Variants in TACR3 observed in about 807,000 individuals in gnomAD.
The protein encoded by TACR3 is tachykinin receptor 3, also known as neuromedin-K receptor.
Under a neutral mutation model 35.0 loss-of-function variants are expected in TACR3, and 34 were observed. That is an observed-to-expected ratio of 0.97 (90% CI 0.74 to 1.30). The LOEUF (loss-of-function observed/expected upper bound fraction) is 1.30. Among genes scored for constraint, TACR3 ranks in the 50% most tolerant of loss-of-function variants. TACR3 has a pLI of 0.00. For missense variants in TACR3, 558 were observed against 591.7 expected (o/e 0.94, Z 0.59); for synonymous variants, 233 against 221.1 (o/e 1.05, Z -0.48).
At chr4:103,599,255 T>A (rs939150427) in intron 3 of TACR3, among the ~76,000 whole-genome samples, 7 of 152,166 alleles carry the variant, frequency 4.6e-5, no homozygotes, top group African/African-American at 1.7e-4. Flanking sequence ...GCTCTCTGTT[T>A]GTCTGTTATT....
chr4:103,688,970 T>A (rs1396693082), intron 1 of TACR3, among the ~76,000 whole-genome samples: 2 of 152,028 alleles, frequency 1.3e-5, no homozygotes. Context: ...TGCGGCACTA[T>A]TCACAATAGC....
rs1168044214 is a variant in TACR3, at chr4:103,642,282, G to A, written c.888+13912C>T. Among the ~76,000 whole-genome samples, 6 of 150,842 alleles carry A rather than the reference G, an allele frequency of 4.0e-5. No homozygotes were observed. The Admixed American group carries it at 4.0e-4, about 10-fold the overall frequency. Reference sequence around the variant, plus strand: ...TATAATCACATTGTACCTCATAAGTGTATAAAATTATTATTTGTCAATTTT... The same window carrying A: ...TATAATCACATTGTACCTCATAAGTATATAAAATTATTATTTGTCAATTTT... On this transcript the variant is annotated intron_variant, in intron 3 of 4. Coordinates refer to ENST00000304883, the MANE Select transcript of TACR3 (RefSeq NM_001059.3).
rs201237591 is a variant in TACR3, at chr4:103,719,161, C to G, written c.515G>C (p.Ser172Thr). Residue 172 changes from serine (S) to threonine (T), a missense_variant, in exon 1 of 5, where the codon AGC (serine) becomes ACC (threonine). Ser to Thr is a moderately conservative substitution (Grantham distance 58). Coordinates refer to ENST00000304883, the MANE Select transcript of TACR3 (RefSeq NM_001059.3). ...CGCAATGGCCGTCATGGAGTAGATG[C>G]TGGCGAACACAGCTGTGATAGGAAA... Reference protein sequence around the residue: ...NFFPITAVFASIYSMTAIAVD... With the variant: ...NFFPITAVFATIYSMTAIAVD... The G allele has an allele frequency of 4.3e-6, 7 of 1,614,066 alleles. No homozygotes were observed. The highest frequency in any genetic ancestry group is 5.9e-6 in the Non-Finnish European group (7 of 1,180,042).
Position 103,627,181 on chromosome 4 carries a change from CAAAAAAAAAAA to C in TACR3, c.888+29002_888+29012del, listed in dbSNP as rs33988758. Among the ~76,000 whole-genome samples, 221 of 24,704 alleles carry C rather than the reference CAAAAAAAAAAA, an allele frequency of 8.9e-3. 2 individuals carry two copies. Among genetic ancestry groups the C allele is most frequent in the African/African-American group, 0.031 (205 of 6,604 alleles). The allele number at this position is 24,704 out of a possible 152,430, so 16.2% of individuals were successfully genotyped here. On this transcript the variant is annotated intron_variant, in intron 3 of 4. Coordinates refer to ENST00000304883, the MANE Select transcript of TACR3 (RefSeq NM_001059.3). ...CAAGTGACGGTGTGAGACTCCGTCTCAAAAAAAAAAAAAAAAAAAAAAAAAAAAAGTCTAGG... is the reference window on the plus strand; with the variant it reads ...CAAGTGACGGTGTGAGACTCCGTCTCAAAAAAAAAAAAAAAAAAGTCTAGG...
chr4:103,591,420 C>T, intron 4 of TACR3, 67 bp downstream of exon 4: 2 of 1,577,714 alleles, frequency 1.3e-6, no homozygotes, highest in Admixed American at 3.3e-5. Flanking sequence ...GAAAATGGAA[C>T]AACATTGTAT....
chr4:103,702,503 G>C lies in TACR3; in HGVS notation c.548+16625C>G, dbSNP rs1214718956. ...TGGAAGTCAGTGTGGTGATTTCTCA[G>C]GGATCTAGAACTAGAAATACCATTT... On this transcript the variant is annotated intron_variant, in intron 1 of 4. Coordinates refer to ENST00000304883, the MANE Select transcript of TACR3 (RefSeq NM_001059.3). 2.0e-5 allele frequency among the ~76,000 whole-genome samples: 3 copies of C among 152,226 alleles called. No homozygotes were observed. The East Asian group carries it at 5.8e-4, about 29-fold the overall frequency.
chr4:103,659,033 T>G (rs1329140489), intron 1 of TACR3, among the ~76,000 whole-genome samples: 1 of 152,150 alleles, frequency 6.6e-6, no homozygotes, highest in Admixed American at 6.5e-5. Flanking sequence ...TCTTCGCACC[T>G]ACAGTTCACA....
chr4:103,643,167 T>C (rs1725391738), intron 3 of TACR3, among the ~76,000 whole-genome samples: 1 of 151,900 alleles, frequency 6.6e-6, no homozygotes, highest in Non-Finnish European at 1.5e-5. Context: ...TATTTAAATT[T>C]AAACTTACAT....
intron 1 of TACR3, among the ~76,000 whole-genome samples, chr4:103,681,521 G>A (rs1722089113): frequency 6.6e-6 from 1 of 151,980 alleles, no homozygotes; most frequent in Admixed American, 6.6e-5. Flanking sequence ...AATTACCAGA[G>A]ATTCTTTATC....
In TACR3 at chr4:103,719,245, A is replaced by G. The variant is rs781511002; in HGVS notation, c.431T>C (p.Ile144Thr). 18 of 1,614,086 alleles carry G rather than the reference A, an allele frequency of 1.1e-5. No homozygotes were observed. Reference protein sequence around the residue: ...MAAFNTLVNFIYALHSEWYFG... With the variant: ...MAAFNTLVNFTYALHSEWYFG... ...GTACCACTCGCTATGAAGCGCGTAG[A>G]TGAAATTGACCAACGTGTTGAAGGC... Residue 144 changes from isoleucine (I) to threonine (T), a missense_variant, in exon 1 of 5, where the codon ATC (isoleucine) becomes ACC (threonine). Physicochemically the swap from Ile to Thr is moderately conservative, Grantham distance 89 (BLOSUM62 -1). Transcript: ENST00000304883.
In TACR3 at chr4:103,693,781, T is replaced by G. The variant is rs527575239; in HGVS notation, c.548+25347A>C. On this transcript the variant is annotated intron_variant, in intron 1 of 4. Transcript: ENST00000304883. ...AGTCAGATTAATCAATGTTTTTCCCTGTATTCTGATACTCTTGTGTTTAGA... is the reference window on the plus strand; with the variant it reads ...AGTCAGATTAATCAATGTTTTTCCCGGTATTCTGATACTCTTGTGTTTAGA... Among the ~76,000 whole-genome samples the G allele has an allele frequency of 2.0e-5, 3 of 147,218 alleles. No individual in the cohort carries two copies. In the South Asian group the frequency reaches 6.2e-4, roughly 30 times the overall value.
chr4:103,700,613 A>T (rs945395746), intron 1 of TACR3, among the ~76,000 whole-genome samples: 2 of 152,162 alleles, frequency 1.3e-5, no homozygotes, highest in African/African-American at 4.8e-5. Context: ...TGCTTACAAC[A>T]TATTATGATG....
chr4:103,613,740 TTAGGCTGAGAGTC>T (rs1724565225), intron 3 of TACR3, among the ~76,000 whole-genome samples: 1 of 152,248 alleles, frequency 6.6e-6, no homozygotes, highest in Non-Finnish European at 1.5e-5. Flanking sequence ...TCACAGTTCT[TTAGGCTGAGAGTC>T]TAAGATCAGG....
chr4:103,598,263 G>A (rs1046581734), intron 3 of TACR3, among the ~76,000 whole-genome samples: 4 of 152,184 alleles, frequency 2.6e-5, no homozygotes, highest in African/African-American at 9.7e-5. Flanking sequence ...TTTGAGAAGT[G>A]TCTGTTCATA....
At chr4:103,707,999 C>T (rs1334261453) in intron 1 of TACR3, among the ~76,000 whole-genome samples, 1 of 152,170 alleles carries the variant, frequency 6.6e-6, no homozygotes, top group Non-Finnish European at 1.5e-5. Flanking sequence ...AACAAAGCGG[C>T]CAGGAAGCTT....
intron 3 of TACR3, among the ~76,000 whole-genome samples, chr4:103,650,655 AATATATATAAATAAATATATATTATATC>A (rs1312003225): frequency 7.6e-5 from 4 of 52,712 alleles, no homozygotes; most frequent in African/African-American, 4.9e-4. Context: ...AATATATATA[AATATATATAAATAAATATATATTATATC>A]ATATATAATA....
chr4:103,604,113 G>A (rs1179375474), intron 3 of TACR3, among the ~76,000 whole-genome samples: 1 of 152,174 alleles, frequency 6.6e-6, no homozygotes, highest in Non-Finnish European at 1.5e-5. Flanking sequence ...CAAAGCCGGA[G>A]GCATCAGGCT....
At chr4:103,678,293 A>T (rs17033990) in intron 1 of TACR3, among the ~76,000 whole-genome samples, 1 of 152,078 alleles carries the variant, frequency 6.6e-6, no homozygotes, top group African/African-American at 2.4e-5. Flanking sequence ...TGGCAGTGCC[A>T]GTGTATTCTC....
chr4:103,591,602 T>C lies in TACR3; in HGVS notation c.970A>G (p.Ile324Val), dbSNP rs200159912. Residue 324 changes from isoleucine (I) to valine (V), a missense_variant, in exon 4 of 5, where the codon ATC becomes GTC. Coordinates refer to ENST00000304883, the MANE Select transcript of TACR3 (RefSeq NM_001059.3). ...TTCCATCTATTTAGTTGTTGATAGA[T>C]TGCAGTGAGAATGAAGTAAATATGA... ...PYHIYFILTA[I>V]YQQLNRWKYI... 6.8e-6 allele frequency: 11 copies of C among 1,613,856 alleles called. No homozygotes were observed. In the South Asian group the frequency reaches 7.7e-5, roughly 11 times the overall value.
Sources: gnomAD v4.1 joint callset for allele counts (sites outside exome capture counted in the v4.1 genomes callset) on GRCh38, gnomAD v4.1.1 for gene constraint, MANE v1.5 for transcripts, NCBI Gene and HGNC (gene_info 2026-07-23, HGNC 2026-07-21) for gene names.